The following MTDH variants were observed in gnomAD, a reference collection of about 807,000 sequenced individuals.
The protein encoded by MTDH is protein LYRIC.
A neutral mutation model predicts 72.7 loss-of-function variants in MTDH; 34 were observed. That is an observed-to-expected ratio of 0.47 (90% CI 0.36 to 0.62). The LOEUF is 0.62. Among genes scored for constraint, MTDH ranks in the 20% least tolerant of loss-of-function variants. The pLI is 0.00. For missense variants in MTDH, 677 were observed against 699.4 expected (o/e 0.97, Z 0.36); for synonymous variants, 266 against 268.9 (o/e 0.99, Z 0.10).
intron 7 of MTDH, among the ~76,000 whole-genome samples, chr8:97,705,780 G>A (rs1814325375): frequency 6.6e-6 from 1 of 152,156 alleles, no homozygotes; most frequent in South Asian, 2.1e-4. Flanking sequence ...TAGATTTACA[G>A]GAACATATAT....
chr8:97,723,785 A>G (rs531389973), intron 11 of MTDH, among the ~76,000 whole-genome samples: 3 of 151,490 alleles, frequency 2.0e-5, no homozygotes, highest in Non-Finnish European at 4.4e-5. Context: ...ACGTTTGTCT[A>G]CTTAAGTTGT....
intron 7 of MTDH, among the ~76,000 whole-genome samples, chr8:97,704,713 G>A (rs1015665312): frequency 1.3e-5 from 2 of 151,876 alleles, no homozygotes; most frequent in African/African-American, 2.4e-5. Context: ...TTTTGTCTAT[G>A]ATTTTTTTTC....
chr8:97,703,759 A>G (rs574958142), intron 7 of MTDH, among the ~76,000 whole-genome samples: 59 of 152,362 alleles, frequency 3.9e-4, no homozygotes, highest in Non-Finnish European at 6.3e-4. Flanking sequence ...TACATGCCTT[A>G]TAGATTAGAA....
At chr8:97,672,046 CAA>C (rs1812646509) in intron 2 of MTDH, among the ~76,000 whole-genome samples, 1 of 152,002 alleles carries the variant, frequency 6.6e-6, no homozygotes, top group Non-Finnish European at 1.5e-5. Context: ...TCTGCATGCC[CAA>C]AGAGTTTATA....
chr8:97,650,046 C>T (rs1811710438), intron 1 of MTDH, among the ~76,000 whole-genome samples: 1 of 152,180 alleles, frequency 6.6e-6, no homozygotes, highest in Non-Finnish European at 1.5e-5. Context: ...AACTCCACCT[C>T]CCGGGTTCAC....
At chr8:97,682,417 G>C (rs1403080401) in intron 2 of MTDH, among the ~76,000 whole-genome samples, 1 of 142,152 alleles carries the variant, frequency 7.0e-6, no homozygotes, top group Non-Finnish European at 1.5e-5. Flanking sequence ...TCCTGCCTCA[G>C]CCTCCCGAGT....
chr8:97,719,994 T>TA (rs1815040937), intron 10 of MTDH, among the ~76,000 whole-genome samples: 1 of 148,172 alleles, frequency 6.7e-6, no homozygotes, highest in African/African-American at 2.4e-5. Flanking sequence ...AATTACATCA[T>TA]ATAAATTCAG....
intron 9 of MTDH, among the ~76,000 whole-genome samples, chr8:97,716,855 A>AT (rs1406771714): frequency 1.3e-5 from 2 of 151,626 alleles, no homozygotes; most frequent in South Asian, 2.1e-4. Context: ...CAGTTTTTTT[A>AT]TTTTTTTGTA....
At chr8:97,695,944 G>T (rs187964728) in intron 6 of MTDH, among the ~76,000 whole-genome samples, 2 of 152,196 alleles carry the variant, frequency 1.3e-5, no homozygotes, top group Non-Finnish European at 2.9e-5. Context: ...AGCTGCATTC[G>T]TGGCTCAGCT....
At chr8:97,702,097 C>G (rs190324870) in intron 7 of MTDH, among the ~76,000 whole-genome samples, 7 of 152,220 alleles carry the variant, frequency 4.6e-5, no homozygotes, top group Admixed American at 4.6e-4. Context: ...ATTACAAATC[C>G]ACAAAGTATA....
chr8:97,652,364 A>G (rs1811806786), intron 1 of MTDH, among the ~76,000 whole-genome samples: 1 of 152,094 alleles, frequency 6.6e-6, no homozygotes, highest in African/African-American at 2.4e-5. Flanking sequence ...TCTTTCCCCC[A>G]CTATTCTCCT....
intron 6 of MTDH, among the ~76,000 whole-genome samples, chr8:97,693,873 A>G (rs1320506892): frequency 6.6e-6 from 1 of 151,750 alleles, no homozygotes; most frequent in African/African-American, 2.4e-5. Flanking sequence ...GTGCCACCAC[A>G]CCTGGCTAAT....
chr8:97,654,802 A>G (rs992674889), intron 1 of MTDH, among the ~76,000 whole-genome samples: 6 of 152,162 alleles, frequency 3.9e-5, no homozygotes, highest in African/African-American at 9.7e-5. Context: ...CTTTTAGCCA[A>G]TAAAATTGAG....
At chr8:97,665,918 G>A (rs546624244) in intron 2 of MTDH, among the ~76,000 whole-genome samples, 1 of 152,270 alleles carries the variant, frequency 6.6e-6, no homozygotes, top group East Asian at 1.9e-4. Context: ...CGAGAGGTCA[G>A]GAGATCGAGG....
chr8:97,714,152 CTT>C (rs911653935), intron 9 of MTDH, among the ~76,000 whole-genome samples: 4 of 152,160 alleles, frequency 2.6e-5, no homozygotes, highest in Admixed American at 1.3e-4. Context: ...TTTCACTTGA[CTT>C]TGAGTTTGCT....
In MTDH at chr8:97,729,716, T is replaced by A. The variant is rs1815487981; in HGVS notation, c.*5046T>A. Among the ~76,000 whole-genome samples, 1 of 152,170 alleles carries A rather than the reference T, an allele frequency of 6.6e-6. No individual in the cohort carries two copies. The highest frequency in any genetic ancestry group is 1.5e-5 in the Non-Finnish European group (1 of 68,034). ...CTCGTTGCCCAGGCTGGTCTCCAAT[T>A]CCTGGGTTCAAGCAATCCTCCTGAC... On this transcript the variant is annotated 3_prime_UTR_variant, in exon 12 of 12. Coordinates refer to ENST00000336273, the MANE Select transcript of MTDH (RefSeq NM_178812.4).
chr8:97,698,309 T>C (rs1025852503), intron 6 of MTDH, among the ~76,000 whole-genome samples: 1 of 152,206 alleles, frequency 6.6e-6, no homozygotes, highest in Non-Finnish European at 1.5e-5. Context: ...TATGTGTGTG[T>C]GCGCACGCCT....
At position 97,724,817 on chromosome 8, in the gene MTDH, G is replaced by T; in HGVS notation, c.*147G>T. 3.8e-6 allele frequency: 2 copies of T among 530,488 alleles called. No homozygotes were observed. Among genetic ancestry groups the T allele is most frequent in the Non-Finnish European group, 6.4e-6 (2 of 313,100 alleles). The allele number at this position is 530,488 out of a possible 1,614,324, so 32.9% of individuals were successfully genotyped here. Reference sequence around the variant, plus strand: ...AAACTGCGGACACCACCATAAAAATGGAATCAAAAGAAAGTTAATTTATGA... The same window carrying T: ...AAACTGCGGACACCACCATAAAAATTGAATCAAAAGAAAGTTAATTTATGA... On this transcript the variant is annotated 3_prime_UTR_variant, in exon 12 of 12. Coordinates refer to ENST00000336273, the MANE Select transcript of MTDH (RefSeq NM_178812.4).
chr8:97,685,646 T>C (rs1172643756), intron 2 of MTDH, among the ~76,000 whole-genome samples: 1 of 151,486 alleles, frequency 6.6e-6, no homozygotes, highest in Non-Finnish European at 1.5e-5. Flanking sequence ...TGTAATCCCA[T>C]CTACTCCTGA....
Sources: allele counts gnomAD v4.1 joint callset (sites outside exome capture counted in the v4.1 genomes callset), GRCh38; gene constraint gnomAD v4.1.1; transcripts MANE v1.5; gene names NCBI Gene and HGNC (gene_info 2026-07-23, HGNC 2026-07-21).